Variants in BICC1 observed in about 807,000 individuals in gnomAD.
The protein encoded by BICC1 is protein bicaudal C homolog 1.
Under a neutral mutation model 111.0 loss-of-function variants are expected in BICC1, and 43 were observed. That is an observed-to-expected ratio of 0.39 (90% CI 0.30 to 0.50). BICC1 has a LOEUF of 0.50. Ranked by LOEUF, BICC1 falls within the 20% of genes least tolerant of loss-of-function variation. The pLI is 0.88. For missense variants in BICC1, 1,091 were observed against 1,203.2 expected (o/e 0.91, Z 1.38); for synonymous variants, 467 against 434.4 (o/e 1.07, Z -0.93).
At chr10:58,739,712 T>C (rs1323248953) in intron 3 of BICC1, among the ~76,000 whole-genome samples, 1 of 152,264 alleles carries the variant, frequency 6.6e-6, no homozygotes, top group Admixed American at 6.5e-5. Flanking sequence ...AAATTAAAAA[T>C]CAAAATCTAT....
intron 2 of BICC1, among the ~76,000 whole-genome samples, chr10:58,673,138 C>A (rs528250778): frequency 1.0e-3 from 153 of 152,264 alleles, no homozygotes; most frequent in African/African-American, 3.4e-3. Context: ...CAATTAAACT[C>A]ATTTTTGAAA....
At chr10:58,795,637 T>C (rs1357644247) in intron 9 of BICC1, among the ~76,000 whole-genome samples, 2 of 151,672 alleles carry the variant, frequency 1.3e-5, no homozygotes, top group Non-Finnish European at 1.5e-5. Flanking sequence ...CTTTAACTGC[T>C]TTCTCAGCCA....
intron 1 of BICC1, among the ~76,000 whole-genome samples, chr10:58,587,192 A>G (rs1364456649): frequency 6.6e-6 from 1 of 152,128 alleles, no homozygotes; most frequent in Non-Finnish European, 1.5e-5. Flanking sequence ...GTGTTCATGC[A>G]TACGTGTTCT....
At chr10:58,520,593 T>TA (rs1842362463) in intron 1 of BICC1, among the ~76,000 whole-genome samples, 1 of 152,176 alleles carries the variant, frequency 6.6e-6, no homozygotes, top group African/African-American at 2.4e-5. Context: ...GTTTCCCTGT[T>TA]ATAGTGAGAA....
At chr10:58,664,569 A>G (rs1007764619) in intron 2 of BICC1, among the ~76,000 whole-genome samples, 7 of 152,046 alleles carry the variant, frequency 4.6e-5, no homozygotes, top group South Asian at 2.1e-4. Flanking sequence ...CATTGATAAT[A>G]TTTTTCATTA....
At chr10:58,780,927 AT>A (rs1314956373) in intron 3 of BICC1, among the ~76,000 whole-genome samples, 2 of 152,174 alleles carry the variant, frequency 1.3e-5, no homozygotes, top group Admixed American at 1.3e-4. Context: ...CCTTACAGAT[AT>A]CCATATGAAA....
chr10:58,553,476 T>C (rs1396594765), intron 1 of BICC1, among the ~76,000 whole-genome samples: 1 of 152,150 alleles, frequency 6.6e-6, no homozygotes, highest in African/African-American at 2.4e-5. Context: ...TCCAGTAGGA[T>C]TGCAGTCCAT....
At position 58,737,116 on chromosome 10, in the gene BICC1, T is replaced by G. The variant is rs1036352607; in HGVS notation, c.307+34973T>G. ...TTTCTGTGATTTTTTAAAATTATAC[T>G]TTAAGTTTTAGGGTACATGTGTACA... On this transcript the variant is annotated intron_variant, in intron 3 of 20. Transcript: ENST00000373886. Among the ~76,000 whole-genome samples, 4 of 152,272 alleles carry G rather than the reference T, an allele frequency of 2.6e-5. No individual in the cohort carries two copies. In the East Asian group the frequency reaches 7.7e-4, roughly 29 times the overall value.
intron 2 of BICC1, among the ~76,000 whole-genome samples, chr10:58,684,756 T>C (rs1377857534): frequency 6.6e-6 from 1 of 152,224 alleles, no homozygotes; most frequent in Non-Finnish European, 1.5e-5. Flanking sequence ...TCTATTTGAT[T>C]CTTCTCTCTT....
intron 3 of BICC1, among the ~76,000 whole-genome samples, chr10:58,705,294 GTGACCACTAC>G (rs1840356597): frequency 6.6e-6 from 1 of 152,216 alleles, no homozygotes; most frequent in Non-Finnish European, 1.5e-5. Context: ...AAGGCAAAGG[GTGACCACTAC>G]TGAGAAACAG....
intron 1 of BICC1, among the ~76,000 whole-genome samples, chr10:58,593,475 A>G (rs1289524601): frequency 6.6e-6 from 1 of 152,072 alleles, no homozygotes; most frequent in East Asian, 1.9e-4. Flanking sequence ...GCCGACAGAC[A>G]CCTTATATAG....
At chr10:58,612,915 C>A (rs1345425823) in intron 1 of BICC1, among the ~76,000 whole-genome samples, 12 of 152,054 alleles carry the variant, frequency 7.9e-5, no homozygotes, top group Non-Finnish European at 1.8e-4. Flanking sequence ...TCAAGCTACC[C>A]CCCTCCCATT....
chr10:58,595,384 C>G lies in BICC1; in HGVS notation c.191-25471C>G, dbSNP rs185308519. Reference sequence around the variant, plus strand: ...GTGGACCTAATAGACATCTACAGAACTCTCCACTGCAGATCAACAGAATAT... The same window carrying G: ...GTGGACCTAATAGACATCTACAGAAGTCTCCACTGCAGATCAACAGAATAT... On this transcript the variant is annotated intron_variant, in intron 1 of 20. Transcript: ENST00000373886. Among the ~76,000 whole-genome samples the G allele has an allele frequency of 3.3e-4, 50 of 152,310 alleles. No homozygotes were observed. The East Asian group carries it at 9.4e-3, about 29-fold the overall frequency.
chr10:58,653,816 T>G (rs958843141), intron 2 of BICC1, among the ~76,000 whole-genome samples: 3 of 138,728 alleles, frequency 2.2e-5, no homozygotes, highest in Non-Finnish European at 4.7e-5. Flanking sequence ...TATCTCCCAA[T>G]GCTATCCCTC....
chr10:58,734,218 A>T (rs1841402647), intron 3 of BICC1, among the ~76,000 whole-genome samples: 2 of 152,302 alleles, frequency 1.3e-5, no homozygotes, highest in South Asian at 4.1e-4. Flanking sequence ...CTTGGCAAGG[A>T]TTTTAGGTCA....
At chr10:58,634,213 A>G (rs571499482) in intron 2 of BICC1, among the ~76,000 whole-genome samples, 119 of 151,870 alleles carry the variant, frequency 7.8e-4, no homozygotes, top group African/African-American at 2.7e-3. Context: ...GACTGTTCTC[A>G]AACTCCTGAC....
chr10:58,622,196 TGAAAA>T (rs1845841062), intron 2 of BICC1, among the ~76,000 whole-genome samples: 1 of 151,310 alleles, frequency 6.6e-6, no homozygotes, highest in Non-Finnish European at 1.5e-5. Context: ...AAAAAAAAAA[TGAAAA>T]GAAAACAAAT....
chr10:58,719,537 C>T (rs1206381822), intron 3 of BICC1, among the ~76,000 whole-genome samples: 3 of 151,724 alleles, frequency 2.0e-5, no homozygotes, highest in East Asian at 1.9e-4. Context: ...GACGGAGTCT[C>T]GCTCTGTCGC....
chr10:58,538,077 A>G (rs976970122), intron 1 of BICC1, among the ~76,000 whole-genome samples: 10 of 151,934 alleles, frequency 6.6e-5, no homozygotes, highest in African/African-American at 2.2e-4. Flanking sequence ...TGTAATTCCT[A>G]TCAAAATAAC....
Sources: gnomAD v4.1 joint callset for allele counts (sites outside exome capture counted in the v4.1 genomes callset) on GRCh38, gnomAD v4.1.1 for gene constraint, MANE v1.5 for transcripts, NCBI Gene and HGNC (gene_info 2026-07-23, HGNC 2026-07-21) for gene names.